TMEM178B: variants seen among roughly 807,000 people sequenced by gnomAD.
TMEM178B encodes the protein transmembrane protein 178B.
In TMEM178B, 5 loss-of-function variants were observed where a neutral mutation model predicts 31.0. That is an observed-to-expected ratio of 0.16 (90% CI 0.08 to 0.34). TMEM178B has a LOEUF of 0.34. TMEM178B is among the 10% of genes least tolerant of loss of function. TMEM178B has a pLI of 1.00. For synonymous variants in TMEM178B, 164 were observed against 164.0 expected (o/e 1.00, Z 0.00); for missense variants, 275 against 400.3 (o/e 0.69, Z 2.67).
At chr7:141,423,805 GTTTTT>G (rs5888005) in intron 2 of TMEM178B, among the ~76,000 whole-genome samples, 1 of 108,798 alleles carries the variant, frequency 9.2e-6, no homozygotes. Context: ...TGACATTTGT[GTTTTT>G]TTTTTTTTTT....
At chr7:141,371,669 C>A (rs1157275830) in intron 2 of TMEM178B, among the ~76,000 whole-genome samples, 1 of 152,186 alleles carries the variant, frequency 6.6e-6, no homozygotes, top group Non-Finnish European at 1.5e-5. Flanking sequence ...ATGCATGACA[C>A]CAGAACACTA....
intron 2 of TMEM178B, among the ~76,000 whole-genome samples, chr7:141,245,224 G>A (rs1797709284): frequency 6.9e-6 from 1 of 145,086 alleles, no homozygotes; most frequent in East Asian, 2.0e-4. Context: ...GGATGCACAG[G>A]GGAGGTAGGA....
intron 2 of TMEM178B, among the ~76,000 whole-genome samples, chr7:141,277,526 C>A (rs1241342561): frequency 6.6e-6 from 1 of 152,128 alleles, no homozygotes; most frequent in Non-Finnish European, 1.5e-5. Flanking sequence ...GCCTGAGGCT[C>A]TTTTACAGTT....
chr7:141,509,725 T>C, the TMEM178B span, among the ~76,000 whole-genome samples: 15 of 152,134 alleles, frequency 9.9e-5, no homozygotes, highest in Admixed American at 2.6e-4. Flanking sequence ...GAGCAGAAAC[T>C]TGGCAACCCA....
intron 1 of TMEM178B, among the ~76,000 whole-genome samples, chr7:141,123,205 G>A (rs964997232): frequency 5.3e-5 from 8 of 152,234 alleles, no homozygotes; most frequent in African/African-American, 9.6e-5. Context: ...TGTGGGAAAA[G>A]AGACTTTTGG....
chr7:141,080,667 G>C lies in TMEM178B; in HGVS notation c.382+5975G>C, dbSNP rs146491352. Among the ~76,000 whole-genome samples the C allele has an allele frequency of 1.5e-4, 23 of 152,344 alleles. No individual in the cohort carries two copies. In the East Asian group the frequency reaches 4.4e-3, roughly 29 times the overall value. On this transcript the variant is annotated intron_variant, in intron 1 of 3. Coordinates refer to ENST00000565468, the MANE Select transcript of TMEM178B (RefSeq NM_001195278.2). Reference sequence around the variant, plus strand: ...AAATAATATCTAATATATGAATCGTGTAATATAGCACAGGGTAATGGGCAC... The same window carrying C: ...AAATAATATCTAATATATGAATCGTCTAATATAGCACAGGGTAATGGGCAC...
chr7:141,327,009 C>G (rs536448484), intron 2 of TMEM178B, among the ~76,000 whole-genome samples: 174 of 152,288 alleles, frequency 1.1e-3, no homozygotes, highest in Non-Finnish European at 1.6e-3. Context: ...CCATGCAACT[C>G]TAGATCAAAC....
intron 2 of TMEM178B, among the ~76,000 whole-genome samples, chr7:141,434,665 A>G (rs1276735619): frequency 6.6e-6 from 1 of 152,202 alleles, no homozygotes; most frequent in Non-Finnish European, 1.5e-5. Context: ...ATTTTGAAGT[A>G]CACAATACAT....
intron 2 of TMEM178B, among the ~76,000 whole-genome samples, chr7:141,375,648 A>G (rs1213947923): frequency 3.9e-5 from 6 of 152,090 alleles, no homozygotes; most frequent in Admixed American, 6.6e-5. Flanking sequence ...GCCCCCTGTT[A>G]CTCTGTATAA....
chr7:141,268,956 A>G (rs1360973028), intron 2 of TMEM178B, among the ~76,000 whole-genome samples: 1 of 152,198 alleles, frequency 6.6e-6, no homozygotes, highest in Non-Finnish European at 1.5e-5. Flanking sequence ...GTCCTCTACC[A>G]CGGCAATGCT....
chr7:141,436,130 T>C (rs773867684), intron 2 of TMEM178B, among the ~76,000 whole-genome samples: 2 of 152,150 alleles, frequency 1.3e-5, no homozygotes, highest in Non-Finnish European at 2.9e-5. Flanking sequence ...ACCATATGTC[T>C]TTTTGTTTGC....
chr7:141,084,671 G>A (rs1330681358), intron 1 of TMEM178B, among the ~76,000 whole-genome samples: 1 of 152,054 alleles, frequency 6.6e-6, no homozygotes, highest in Non-Finnish European at 1.5e-5. Flanking sequence ...TATGAGCCCC[G>A]ACTAGGTAAT....
intron 2 of TMEM178B, among the ~76,000 whole-genome samples, chr7:141,380,195 C>T (rs1256278212): frequency 6.6e-6 from 1 of 152,182 alleles, no homozygotes; most frequent in East Asian, 1.9e-4. Flanking sequence ...GACTACTTCA[C>T]TAGCCTAGAA....
At chr7:141,303,034 C>G (rs1798754578) in intron 2 of TMEM178B, among the ~76,000 whole-genome samples, 1 of 152,116 alleles carries the variant, frequency 6.6e-6, no homozygotes. Context: ...GAAATGTTGT[C>G]CTAATTATGT....
chr7:141,383,495 T>A (rs1800367805), intron 2 of TMEM178B, among the ~76,000 whole-genome samples: 1 of 152,158 alleles, frequency 6.6e-6, no homozygotes, highest in Non-Finnish European at 1.5e-5. Context: ...TGCAAAAGTT[T>A]GCTGAGAATG....
intron 3 of TMEM178B, among the ~76,000 whole-genome samples, chr7:141,438,696 T>TAAA (rs869132131): frequency 0.11 from 3,052 of 28,948 alleles, 589 homozygotes; most frequent in South Asian, 0.26. Flanking sequence ...CCGTCTCTAC[T>TAAA]AAAAAAAAAA....
At chr7:141,388,035 G>C (rs1800466404) in intron 2 of TMEM178B, among the ~76,000 whole-genome samples, 1 of 152,204 alleles carries the variant, frequency 6.6e-6, no homozygotes, top group Non-Finnish European at 1.5e-5. Context: ...AGCAGATTCT[G>C]GGGTGTGTGT....
At chr7:141,246,453 C>T (rs948831813) in intron 2 of TMEM178B, among the ~76,000 whole-genome samples, 1 of 152,068 alleles carries the variant, frequency 6.6e-6, no homozygotes, top group African/African-American at 2.4e-5. Context: ...GGGGTTGTAA[C>T]ATAGGTAGAG....
intron 2 of TMEM178B, among the ~76,000 whole-genome samples, chr7:141,295,232 T>C (rs901688774): frequency 6.6e-6 from 1 of 152,116 alleles, no homozygotes; most frequent in Non-Finnish European, 1.5e-5. Context: ...GAACACTGGC[T>C]ATGAGGGAGA....
Sources: allele counts gnomAD v4.1 joint callset (sites outside exome capture counted in the v4.1 genomes callset), GRCh38; gene constraint gnomAD v4.1.1; transcripts MANE v1.5; gene names NCBI Gene and HGNC (gene_info 2026-07-23, HGNC 2026-07-21).